The following ITGB6 variants were observed in gnomAD, a reference collection of about 807,000 sequenced individuals.
ITGB6 encodes integrin subunit beta 6.
A neutral mutation model predicts 84.5 loss-of-function variants in ITGB6; 80 were observed. The observed-to-expected ratio is 0.95, with a 90% CI of 0.79 to 1.14. ITGB6 has a LOEUF of 1.14. Among genes scored for constraint, ITGB6 ranks in the 50% most tolerant of loss-of-function variants. ITGB6 has a pLI of 0.00. For missense variants in ITGB6, 1,006 were observed against 968.0 expected (o/e 1.04, Z -0.52); for synonymous variants, 383 against 354.9 (o/e 1.08, Z -0.89).
At chr2:160,102,631 A>G (rs555826464) in intron 14 of ITGB6, among the ~76,000 whole-genome samples, 70 of 152,322 alleles carry the variant, frequency 4.6e-4, no homozygotes, top group Admixed American at 4.5e-3. Context: ...TGTTTGGGTT[A>G]TAGATGTGCC....
intron 7 of ITGB6, among the ~76,000 whole-genome samples, chr2:160,146,040 T>C (rs1290049464): frequency 2.0e-5 from 3 of 152,132 alleles, no homozygotes; most frequent in Non-Finnish European, 4.4e-5. Context: ...ATTTCTACTA[T>C]AGTCTCAGAG....
Position 160,200,071 on chromosome 2 carries a change from A to G in ITGB6, c.-8T>C, listed in dbSNP as rs757608776. The G allele has an allele frequency of 1.2e-6, 2 of 1,613,464 alleles. No individual in the cohort carries two copies. The highest frequency in any genetic ancestry group is 1.7e-6 in the Non-Finnish European group (2 of 1,179,442). On this transcript the variant is annotated 5_prime_UTR_variant, in exon 1 of 15. Transcript: ENST00000283249. ...AAGCAGTTCAATCCCCATTCGTTTC[A>G]GTTCTTGCTGTGCAGACCGATTAAA...
chr2:160,169,276 T>A lies in ITGB6; in HGVS notation c.953A>T (p.Lys318Ile). 1 of 1,601,838 alleles carries A rather than the reference T, an allele frequency of 6.2e-7. No individual in the cohort carries two copies. Among genetic ancestry groups the A allele is most frequent in the Non-Finnish European group, 8.5e-7 (1 of 1,174,488 alleles). Residue 318 changes from lysine to isoleucine, a missense_variant, in exon 7 of 15, where the codon AAA (lysine) becomes ATA (isoleucine). Transcript: ENST00000283249. The stretch of plus-strand genomic sequence containing the variant: ...CAATAACACGTTGTTTTGTACCAGT[T>A]TATCAATGAGTTGTCCAATTGTTGG... ...EYPTIGQLIDKLVQNNVLLIF... is the reference protein window; with the variant it reads ...EYPTIGQLIDILVQNNVLLIF...
In ITGB6 at chr2:160,137,673, A is replaced by G; in HGVS notation, c.1421T>C (p.Phe474Ser). 1 of 1,614,160 alleles carries G rather than the reference A, an allele frequency of 6.2e-7. No homozygotes were observed. Among genetic ancestry groups the G allele is most frequent in the East Asian group, 2.2e-5 (1 of 44,882 alleles). Residue 474 changes from phenylalanine to serine, a missense_variant, in exon 10 of 15, where the codon TTC (phenylalanine) becomes TCC (serine). Phe to Ser is a radical substitution (Grantham distance 155). Transcript: ENST00000283249. The stretch of plus-strand genomic sequence containing the variant: ...GTGGCAGGCACACACCCCACACTGG[A>G]AAGAGCCGTTCCCGTGGTGACATTT... ...SSKCHHGNGS[F>S]QCGVCACHPG...
In ITGB6 at chr2:160,169,069, C is replaced by A. The variant is rs1480423055; in HGVS notation, c.1017+143G>T. ...TTTAAATTGCAAGCAGTAAATGAGT[C>A]CACTTAGCCAAGCGCCCAGTACATT... On this transcript the variant is annotated intron_variant, in intron 7 of 14. Coordinates refer to ENST00000283249, the MANE Select transcript of ITGB6 (RefSeq NM_000888.5). 2.0e-5 allele frequency: 11 copies of A among 546,016 alleles called. No homozygotes were observed. The East Asian group carries it at 2.6e-4, about 13-fold the overall frequency. The allele number at this position is 546,016 out of a possible 1,614,324, so 33.8% of individuals were successfully genotyped here. A position where few individuals can be genotyped will look rare whatever the true frequency, so the allele number is the denominator to read the frequency against.
At chr2:160,172,981 T>C (rs1685274375) in intron 5 of ITGB6, among the ~76,000 whole-genome samples, 1 of 152,194 alleles carries the variant, frequency 6.6e-6, no homozygotes, top group Non-Finnish European at 1.5e-5. Context: ...CTACAATCGG[T>C]ATGCAGTTAA....
At chr2:160,112,396 G>C (rs566229936) in intron 12 of ITGB6, among the ~76,000 whole-genome samples, 197 bp from the exon 13 acceptor site, 7 of 152,108 alleles carry the variant, frequency 4.6e-5, no homozygotes, top group Non-Finnish European at 7.4e-5. Context: ...AACAGTTCCA[G>C]TTGTGGTCAA....
At chr2:160,165,674 G>A (rs554245239) in intron 7 of ITGB6, among the ~76,000 whole-genome samples, 1 of 152,260 alleles carries the variant, frequency 6.6e-6, no homozygotes, top group East Asian at 1.9e-4. Flanking sequence ...TAGCATATGC[G>A]GCTGCTGTTT....
At chr2:160,151,616 A>AAG (rs1369134070) in intron 7 of ITGB6, among the ~76,000 whole-genome samples, 1 of 152,092 alleles carries the variant, frequency 6.6e-6, no homozygotes, top group East Asian at 1.9e-4. Flanking sequence ...TGAAAGAGAT[A>AAG]AGAGACACAA....
chr2:160,116,980 T>C (rs1682806076), intron 12 of ITGB6, among the ~76,000 whole-genome samples: 2 of 151,650 alleles, frequency 1.3e-5, no homozygotes, highest in South Asian at 2.1e-4. Context: ...TAAATATATA[T>C]TCACCCAATA....
At chr2:160,198,742 C>A (rs1311756841) in intron 2 of ITGB6, among the ~76,000 whole-genome samples, 5 of 152,172 alleles carry the variant, frequency 3.3e-5, no homozygotes, top group African/African-American at 9.7e-5. Flanking sequence ...TAAAACACAT[C>A]CCTTAGAATC....
At chr2:160,148,875 A>C (rs1011052336) in intron 7 of ITGB6, among the ~76,000 whole-genome samples, 3 of 152,252 alleles carry the variant, frequency 2.0e-5, no homozygotes, top group African/African-American at 7.2e-5. Context: ...TCGATCTGCG[A>C]GACAGCAGCC....
chr2:160,182,365 G>C (rs1365609858), intron 4 of ITGB6, among the ~76,000 whole-genome samples: 2 of 152,116 alleles, frequency 1.3e-5, no homozygotes, highest in Non-Finnish European at 2.9e-5. Flanking sequence ...ATCAATATCT[G>C]AATCAATCAA....
At chr2:160,126,957 T>C (rs1683268362) in intron 10 of ITGB6, among the ~76,000 whole-genome samples, 1 of 151,928 alleles carries the variant, frequency 6.6e-6, no homozygotes, top group Non-Finnish European at 1.5e-5. Context: ...GTGATGAGAG[T>C]GGGTGGTCCG....
intron 12 of ITGB6, among the ~76,000 whole-genome samples, chr2:160,120,149 C>T (rs1039819739): frequency 6.6e-6 from 1 of 151,986 alleles, no homozygotes; most frequent in Non-Finnish European, 1.5e-5. Flanking sequence ...CTATTTGACC[C>T]AGCCATCCCA....
chr2:160,131,688 A>G (rs1209335290), intron 10 of ITGB6, among the ~76,000 whole-genome samples: 2 of 152,202 alleles, frequency 1.3e-5, no homozygotes, highest in Non-Finnish European at 2.9e-5. Context: ...AAAAACCAAA[A>G]TAGCTTTTGA....
chr2:160,171,341 T>A (rs956407610), intron 6 of ITGB6, among the ~76,000 whole-genome samples: 3 of 149,496 alleles, frequency 2.0e-5, no homozygotes, highest in Non-Finnish European at 3.0e-5. Flanking sequence ...TTTTTTATTT[T>A]TTTTTTTTTT....
intron 11 of ITGB6, among the ~76,000 whole-genome samples, chr2:160,125,257 T>C (rs949819471): frequency 6.6e-6 from 1 of 152,212 alleles, no homozygotes; most frequent in Non-Finnish European, 1.5e-5. Context: ...GATAAATGAA[T>C]ACATGCATGA....
intron 2 of ITGB6, among the ~76,000 whole-genome samples, chr2:160,196,960 C>T (rs957832189): frequency 4.6e-5 from 7 of 152,060 alleles, no homozygotes; most frequent in African/African-American, 1.7e-4. Context: ...GGGATTGCAA[C>T]ATCTCCCCCA....
Sources: gnomAD v4.1 joint callset for allele counts (sites outside exome capture counted in the v4.1 genomes callset) on GRCh38, gnomAD v4.1.1 for gene constraint, MANE v1.5 for transcripts, NCBI Gene and HGNC (gene_info 2026-07-23, HGNC 2026-07-21) for gene names.